Variants in CTNNA1 observed in about 807,000 individuals in gnomAD.
CTNNA1 encodes catenin alpha 1.
In CTNNA1, 37 loss-of-function variants were observed where a neutral mutation model predicts 98.4. That is an observed-to-expected ratio of 0.38 (90% CI 0.29 to 0.49). The LOEUF (loss-of-function observed/expected upper bound fraction) is 0.49, where lower values mean the gene tolerates loss of function less well. CTNNA1 is among the 20% of genes least tolerant of loss of function. The probability of loss-of-function intolerance (pLI) is 0.95; values close to 1 mark genes in which losing one functional copy is unlikely to be tolerated. For missense variants in CTNNA1, 761 were observed against 1,147.2 expected, an observed-to-expected ratio of 0.66 and a Z score of 4.86; for synonymous variants, 404 against 413.2, an observed-to-expected ratio of 0.98 and a Z score of 0.27.
intron 11 of CTNNA1, among the ~76,000 whole-genome samples, chr5:138,921,670 G>A (rs1762945574): frequency 1.4e-5 from 2 of 138,524 alleles, no homozygotes; most frequent in African/African-American, 2.8e-5. Context: ...GCATGATCTC[G>A]GCTCACTGCA....
intron 6 of CTNNA1, among the ~76,000 whole-genome samples, chr5:138,825,965 C>T (rs1323878428): frequency 1.3e-5 from 2 of 152,078 alleles, no homozygotes; most frequent in Admixed American, 1.3e-4. Flanking sequence ...GTAATATCTA[C>T]CAGAAGCTAC....
At chr5:138,828,337 C>T (rs1313902295) in intron 7 of CTNNA1, 2 of 151,802 alleles carry the variant, frequency 1.3e-5, no homozygotes, top group East Asian at 3.8e-4. Flanking sequence ...AAGGTTTGTG[C>T]ATAAAAACCC....
At chr5:138,760,668 T>C (rs1339133136) in intron 1 of CTNNA1, among the ~76,000 whole-genome samples, 1 of 152,184 alleles carries the variant, frequency 6.6e-6, no homozygotes, top group East Asian at 1.9e-4. Flanking sequence ...GTCTGACCTA[T>C]CCATTCATAT....
At chr5:138,897,701 T>C (rs1278231752) in intron 9 of CTNNA1, among the ~76,000 whole-genome samples, 2 of 152,230 alleles carry the variant, frequency 1.3e-5, no homozygotes, top group Non-Finnish European at 1.5e-5. Flanking sequence ...TTCTCACATA[T>C]TCAAGGGTTT....
At chr5:138,896,045 C>T (rs1449467952) in intron 9 of CTNNA1, among the ~76,000 whole-genome samples, 1 of 152,156 alleles carries the variant, frequency 6.6e-6, no homozygotes, top group Non-Finnish European at 1.5e-5. Flanking sequence ...AGGGCTAACA[C>T]CCACTCAGAA....
At chr5:138,864,796 TTTTTTGTTTTTG>T (rs200642275) in intron 7 of CTNNA1, among the ~76,000 whole-genome samples, 6 of 43,886 alleles carry the variant, frequency 1.4e-4, no homozygotes, top group Non-Finnish European at 3.3e-4. Context: ...GGAAGATGTG[TTTTTTGTTTTTG>T]TTTTTGTTTT....
At chr5:138,933,337 G>T (rs1765817440) in intron 17 of CTNNA1, among the ~76,000 whole-genome samples, 1 of 151,998 alleles carries the variant, frequency 6.6e-6, no homozygotes, top group Non-Finnish European at 1.5e-5. Flanking sequence ...GAGTGGATTG[G>T]GGTCCACCGA....
At chr5:138,821,174 C>T (rs988213979) in intron 5 of CTNNA1, among the ~76,000 whole-genome samples, 1 of 152,206 alleles carries the variant, frequency 6.6e-6, no homozygotes, top group Admixed American at 6.5e-5. Flanking sequence ...GTTGAATCTC[C>T]ATTAGCTGCA....
At chr5:138,818,267 CTT>C (rs58648221) in intron 5 of CTNNA1, among the ~76,000 whole-genome samples, 126 of 145,034 alleles carry the variant, frequency 8.7e-4, no homozygotes, top group East Asian at 1.8e-3. Flanking sequence ...CCATATCCAG[CTT>C]TTTTTTTTTT....
At chr5:138,908,553 T>G (rs1045497954) in intron 10 of CTNNA1, among the ~76,000 whole-genome samples, 2 of 150,388 alleles carry the variant, frequency 1.3e-5, no homozygotes, top group African/African-American at 2.5e-5. Context: ...TAGTCCCAGC[T>G]ACTCAGGAGG....
intron 7 of CTNNA1, among the ~76,000 whole-genome samples, chr5:138,865,682 C>G (rs1471989941): frequency 6.6e-6 from 1 of 152,126 alleles, no homozygotes; most frequent in Non-Finnish European, 1.5e-5. Context: ...CCCATTAGAT[C>G]TGGTAAAATA....
At chr5:138,797,403 T>G (rs993363013) in intron 3 of CTNNA1, among the ~76,000 whole-genome samples, 1 of 152,190 alleles carries the variant, frequency 6.6e-6, no homozygotes, top group African/African-American at 2.4e-5. Flanking sequence ...TGATCTCCAT[T>G]CTCACTGTGC....
chr5:138,822,964 T>C (rs780514253), intron 5 of CTNNA1, among the ~76,000 whole-genome samples: 4 of 152,240 alleles, frequency 2.6e-5, no homozygotes, highest in Non-Finnish European at 5.9e-5. Context: ...AATTGAGTAA[T>C]TGACTTTGTC....
intron 10 of CTNNA1, among the ~76,000 whole-genome samples, chr5:138,908,440 G>A (rs972169458): frequency 3.3e-5 from 5 of 152,132 alleles, no homozygotes; most frequent in African/African-American, 9.7e-5. Context: ...GGTCAAGGTC[G>A]GGGGATCATT....
intron 7 of CTNNA1, among the ~76,000 whole-genome samples, chr5:138,836,252 T>C (rs1191714595): frequency 6.6e-6 from 1 of 152,242 alleles, no homozygotes; most frequent in Admixed American, 6.5e-5. Context: ...TCTACTCTCT[T>C]GTTTTTATTT....
intron 7 of CTNNA1, 101 bp downstream of exon 7, chr5:138,827,819 T>C: frequency 7.2e-7 from 1 of 1,380,764 alleles, no homozygotes; most frequent in Middle Eastern, 2.6e-4. Context: ...ACCAAATATG[T>C]CCTTGACTCC....
intron 9 of CTNNA1, among the ~76,000 whole-genome samples, chr5:138,895,175 A>G (rs1756492466): frequency 6.6e-6 from 1 of 152,192 alleles, no homozygotes; most frequent in Non-Finnish European, 1.5e-5. Flanking sequence ...CTCAAAGTTA[A>G]TAAACATTAG....
chr5:138,920,901 A>G (rs1450734084), intron 11 of CTNNA1, among the ~76,000 whole-genome samples: 1 of 152,182 alleles, frequency 6.6e-6, no homozygotes, highest in Non-Finnish European at 1.5e-5. Context: ...CATCTTGTGT[A>G]TAACCTGGTG....
intron 7 of CTNNA1, among the ~76,000 whole-genome samples, chr5:138,840,817 A>G (rs1762208916): frequency 6.6e-6 from 1 of 152,032 alleles, no homozygotes; most frequent in South Asian, 2.1e-4. Flanking sequence ...GGATTAAACA[A>G]ATTGGGTTTG....
Sources: allele counts gnomAD v4.1 joint callset (sites outside exome capture counted in the v4.1 genomes callset), GRCh38; gene constraint gnomAD v4.1.1; transcripts MANE v1.5; gene names NCBI Gene and HGNC (gene_info 2026-07-23, HGNC 2026-07-21).